Variants in ZYG11B observed in about 807,000 individuals in gnomAD.
ZYG11B encodes the protein zyg-11 family member B, cell cycle regulator.
In ZYG11B, 36 loss-of-function variants were observed where a neutral mutation model predicts 82.4. The ratio of observed to expected loss-of-function variants is 0.44; its 90% confidence interval spans 0.33 to 0.58. The LOEUF is 0.58. Ranked by LOEUF, ZYG11B falls within the 20% of genes least tolerant of loss-of-function variation. The pLI, the probability that ZYG11B is intolerant of heterozygous loss-of-function variation, is 0.02. For synonymous variants in ZYG11B, 303 were observed against 312.8 expected (o/e 0.97, Z 0.33); for missense variants, 552 against 895.6 (o/e 0.62, Z 4.90).
At chr1:52,803,087 C>CGTATATATATATATATATATAT (rs1645092387) in intron 10 of ZYG11B, among the ~76,000 whole-genome samples, 1 of 22,544 alleles carries the variant, frequency 4.4e-5, no homozygotes, top group Non-Finnish European at 1.0e-4. Context: ...TATATATACA[C>CGTATATATATATATATATATAT]ATATATATAT....
At chr1:52,730,582 G>A (rs971852042) in intron 1 of ZYG11B, among the ~76,000 whole-genome samples, 3 of 152,160 alleles carry the variant, frequency 2.0e-5, no homozygotes, top group Non-Finnish European at 4.4e-5. Flanking sequence ...TCCCGCTTTG[G>A]CCTCCCAAAG....
intron 3 of ZYG11B, among the ~76,000 whole-genome samples, chr1:52,778,634 A>G (rs771340771): frequency 2.6e-5 from 4 of 152,174 alleles, no homozygotes; most frequent in Non-Finnish European, 4.4e-5. Context: ...AGCTAGATCT[A>G]TCAATTCATT....
rs561627258 is a variant in ZYG11B, at chr1:52,821,420, GT to G, written c.2045-10del. On this transcript the variant is annotated intron_variant, in intron 13 of 13. Coordinates refer to ENST00000294353, the MANE Select transcript of ZYG11B (RefSeq NM_024646.3). ...AAGCTATTTCTCCTGTTTTGTGTGTGTTTTTTTTTCTTTTTCAGCTTCAAGG... is the reference window on the plus strand; with the variant it reads ...AAGCTATTTCTCCTGTTTTGTGTGTGTTTTTTTTCTTTTTCAGCTTCAAGG... 1.8e-5 allele frequency: 27 copies of G among 1,498,760 alleles called. No individual in the cohort carries two copies. Among genetic ancestry groups the G allele is most frequent in the East Asian group, 4.7e-5 (2 of 42,784 alleles). 92.8% of individuals were successfully genotyped at this position (1,498,760 alleles called of 1,614,324 possible).
At chr1:52,782,151 G>A (rs1023042609) in intron 4 of ZYG11B, among the ~76,000 whole-genome samples, 8 of 151,232 alleles carry the variant, frequency 5.3e-5, no homozygotes, top group Non-Finnish European at 7.4e-5. Flanking sequence ...CTGCAGCCTC[G>A]ACCTCCCTCC....
intron 2 of ZYG11B, among the ~76,000 whole-genome samples, chr1:52,766,313 G>C (rs1451633217): frequency 6.6e-6 from 1 of 151,244 alleles, no homozygotes; most frequent in African/African-American, 2.4e-5. Context: ...TAGAGATGGG[G>C]TTTCGTCATG....
At chr1:52,766,010 A>G (rs1345323661) in intron 2 of ZYG11B, among the ~76,000 whole-genome samples, 1 of 151,396 alleles carries the variant, frequency 6.6e-6, no homozygotes, top group African/African-American at 2.4e-5. Context: ...CTCAAGCATT[A>G]TTATATTTTT....
At chr1:52,735,862 A>G (rs1455975430) in intron 1 of ZYG11B, among the ~76,000 whole-genome samples, 2 of 152,166 alleles carry the variant, frequency 1.3e-5, no homozygotes, top group East Asian at 3.8e-4. Context: ...ATACCTTTTT[A>G]ACACTGAAAA....
chr1:52,771,758 G>C lies in ZYG11B; in HGVS notation c.935G>C (p.Gly312Ala). The C allele has an allele frequency of 2.5e-6, 4 of 1,609,212 alleles. No homozygotes were observed. Among genetic ancestry groups the C allele is most frequent in the Non-Finnish European group, 3.4e-6 (4 of 1,176,884 alleles). The change falls in exon 3 of 14, where the codon GGC becomes GCC. Residue 312 changes from glycine to alanine, a missense_variant. This residue lies in a region of ZYG11B where 359 missense variants were observed against 555.8 expected (regional missense o/e 0.65). Coordinates refer to ENST00000294353, the MANE Select transcript of ZYG11B (RefSeq NM_024646.3). This position sits in a 1 kb window ranked among gnomAD's most constrained non-coding sequence, Gnocchi z 5.4. ...GCTGGTTACTCTGAATTCCTCACAG[G>C]CGAAGGACATTTGAAGGTTAGACTT... ...TDAGYSEFLT[G>A]EGHLKVSGEA...
intron 5 of ZYG11B, among the ~76,000 whole-genome samples, chr1:52,786,465 T>C (rs1644912702): frequency 6.6e-6 from 1 of 152,220 alleles, no homozygotes; most frequent in Admixed American, 6.5e-5. Flanking sequence ...ATGTTCACAG[T>C]AGGCCAGGCA....
chr1:52,779,782 G>A (rs776001707), intron 3 of ZYG11B, 71 bp from the exon 4 acceptor site: 33 of 1,583,594 alleles, frequency 2.1e-5, no homozygotes, highest in Admixed American at 3.6e-5. Flanking sequence ...GAGCCACCGC[G>A]CCTGGCCACA....
chr1:52,737,618 C>A (rs1387054956), intron 1 of ZYG11B, among the ~76,000 whole-genome samples: 2 of 151,992 alleles, frequency 1.3e-5, no homozygotes, highest in African/African-American at 4.8e-5. Context: ...ATACAAAAAT[C>A]AGCTGTGCGT....
At chr1:52,751,747 T>G (rs1325658818) in intron 1 of ZYG11B, among the ~76,000 whole-genome samples, 1 of 152,162 alleles carries the variant, frequency 6.6e-6, no homozygotes, top group East Asian at 1.9e-4. Context: ...GCTAATGAGT[T>G]GACTGGTGTC....
intron 1 of ZYG11B, among the ~76,000 whole-genome samples, chr1:52,739,169 T>A (rs1050511154): frequency 2.6e-5 from 4 of 151,524 alleles, no homozygotes; most frequent in African/African-American, 9.7e-5. Context: ...GTAGTTTTAG[T>A]AGAGACAGAG....
chr1:52,740,642 C>T (rs1019053726), intron 1 of ZYG11B, among the ~76,000 whole-genome samples: 2 of 149,882 alleles, frequency 1.3e-5, no homozygotes, highest in African/African-American at 2.5e-5. Flanking sequence ...CAGCTCACTG[C>T]GACCTCCGCC....
chr1:52,793,613 TCATTAA>T (rs1417603125), intron 6 of ZYG11B, among the ~76,000 whole-genome samples: 3 of 152,240 alleles, frequency 2.0e-5, no homozygotes, highest in East Asian at 3.8e-4. Flanking sequence ...TTTATTGTTA[TCATTAA>T]CATTAAGTAG....
intron 3 of ZYG11B, among the ~76,000 whole-genome samples, chr1:52,777,581 C>T (rs943426053): frequency 1.3e-5 from 2 of 152,076 alleles, no homozygotes; most frequent in African/African-American, 2.4e-5. Context: ...GCTGGGACTA[C>T]AGGCATGCAC....
chr1:52,736,231 T>C (rs1472491571), intron 1 of ZYG11B, among the ~76,000 whole-genome samples: 1 of 152,066 alleles, frequency 6.6e-6, no homozygotes, highest in African/African-American at 2.4e-5. Flanking sequence ...TGGTGATGTC[T>C]AGCACATAGT....
chr1:52,756,187 C>G (rs1308661383), intron 1 of ZYG11B, among the ~76,000 whole-genome samples: 1 of 152,164 alleles, frequency 6.6e-6, no homozygotes, highest in Non-Finnish European at 1.5e-5. Flanking sequence ...TGATTAGAAC[C>G]CCCTGCTGTG....
At chr1:52,751,109 A>G (rs1571749804) in intron 1 of ZYG11B, among the ~76,000 whole-genome samples, 1 of 152,064 alleles carries the variant, frequency 6.6e-6, no homozygotes, top group Admixed American at 6.6e-5. Flanking sequence ...GCTCCTGAGT[A>G]ACTAAGACTA....
Sources: gnomAD v4.1 joint callset for allele counts (sites outside exome capture counted in the v4.1 genomes callset) on GRCh38, gnomAD v4.1.1 for gene constraint, gnomAD v4.1.1 regional missense constraint, Gnocchi (gnomAD v3.1) non-coding constraint, MANE v1.5 for transcripts, NCBI Gene and HGNC (gene_info 2026-07-23, HGNC 2026-07-21) for gene names.